The following RDH13 variants were observed in gnomAD, a reference collection of about 807,000 sequenced individuals.
RDH13 encodes the protein retinol dehydrogenase 13, also known as retinol dehydrogenase 13 (all-trans and 9-cis).
A neutral mutation model predicts 28.3 loss-of-function variants in RDH13; 35 were observed. That is an observed-to-expected ratio of 1.24 (90% CI 0.95 to 1.64). The LOEUF (loss-of-function observed/expected upper bound fraction) is 1.64, where lower values mean the gene tolerates loss of function less well. Ranked by LOEUF, RDH13 falls within the 40% of genes most tolerant of loss-of-function variation. RDH13 has a pLI of 0.00. For synonymous variants in RDH13, 229 were observed against 198.5 expected (o/e 1.15, Z -1.29); for missense variants, 514 against 446.3 (o/e 1.15, Z -1.37).
chr19:55,065,855 T>C (rs558938267), upstream of RDH13, among the ~76,000 whole-genome samples: 3 of 152,232 alleles, frequency 2.0e-5, no homozygotes, highest in East Asian at 1.9e-4. Context: ...GTAGCTGGGA[T>C]TACAGGCGCT....
At chr19:55,056,375 T>C (rs577436969) in intron 3 of RDH13, among the ~76,000 whole-genome samples, 1 of 152,218 alleles carries the variant, frequency 6.6e-6, no homozygotes, top group East Asian at 1.9e-4. Context: ...AGGTCCGCGC[T>C]TGAACCCAGG....
At chr19:55,040,098 C>T (rs559399490), downstream of RDH13, among the ~76,000 whole-genome samples, 7 of 152,266 alleles carry the variant, frequency 4.6e-5, no homozygotes, top group South Asian at 1.5e-3. Context: ...CTGGGGGATC[C>T]ATAGTGGTGA....
Position 55,062,969 on chromosome 19 carries a change from T to C in RDH13, c.64A>G (p.Lys22Glu), listed in dbSNP as rs779237775. Residue 22 changes from lysine to glutamate, a missense_variant and splice_region_variant, in exon 1 of 7, where the codon AAG becomes GAG. Physicochemically the swap from Lys to Glu is moderately conservative, Grantham distance 56. Transcript: ENST00000415061. ...CACGCGGGGCTAGAATGTACTCACT[T>C]GAGCAGCACGGCGGCGCCTGCTACC... ...GTVAGAAVLL[K>E]DYVTGGACPS... The C allele has an allele frequency of 2.1e-5, 31 of 1,481,332 alleles. No homozygotes were observed. In the South Asian group the frequency reaches 4.1e-4, roughly 20 times the overall value. The allele number at this position is 1,481,332 out of a possible 1,614,324, so 91.8% of individuals were successfully genotyped here.
rs370029738 is a variant in RDH13, at chr19:55,045,111, T to A, written c.959A>T (p.Glu320Val). The A allele has an allele frequency of 3.7e-6, 6 of 1,612,822 alleles. No homozygotes were observed. The African/African-American group carries it at 6.7e-5, about 18-fold the overall frequency. ...GGGCTGCTCCCTCACAGAGGGAGCC[T>A]CTAAGCCCACCAGGCGGGCACTTTC... ...WAESARLVGL[E>V]APSVREQPLP... is the part of the protein sequence containing the mutation. The change falls in exon 7 of 7, where the codon GAG becomes GTG. Residue 320 changes from glutamate (E) to valine (V), a missense_variant. Transcript: ENST00000415061.
intron 6 of RDH13, 146 bp downstream of exon 6, chr19:55,047,241 A>G: frequency 7.0e-7 from 1 of 1,434,722 alleles, no homozygotes; most frequent in Non-Finnish European, 9.1e-7. Flanking sequence ...GAGGAAAGGG[A>G]CCTGTGCTCT....
At chr19:55,042,874 G>GA (rs1416276030), downstream of RDH13, 2 of 152,306 alleles carry the variant, frequency 1.3e-5, no homozygotes, top group African/African-American at 4.8e-5. Flanking sequence ...ACCAGCCAGC[G>GA]AGAGGGCAAG....
chr19:55,045,424 C>T lies in RDH13; in HGVS notation c.761-115G>A, dbSNP rs1236533294. ...GGAGTCCCACAGAGCCCTCCTCTAG[C>T]CCTTTCCCCTTGGCTGCCTCCATCT... On this transcript the variant is annotated intron_variant, in intron 6 of 6. Transcript: ENST00000415061. 22 of 724,622 alleles carry T rather than the reference C, an allele frequency of 3.0e-5. 1 individual carries two copies. In the South Asian group the frequency reaches 3.7e-4, roughly 12 times the overall value. The allele number at this position is 724,622 out of a possible 1,614,324, so 44.9% of individuals were successfully genotyped here.
rs993619634 is a variant in RDH13, at chr19:55,048,344, T to C, written c.643A>G (p.Ser215Gly). 2 of 1,614,110 alleles carry C rather than the reference T, an allele frequency of 1.2e-6. No individual in the cohort carries two copies. Among genetic ancestry groups the C allele is most frequent in the African/African-American group, 2.7e-5 (2 of 75,030 alleles). The change falls in exon 5 of 7, where the codon AGC (serine) becomes GGC (glycine). Residue 215 changes from serine to glycine, a missense_variant. Physicochemically the swap from Ser to Gly is moderately conservative, Grantham distance 56. Transcript: ENST00000415061. ...LAIVLFTKEL[S>G]RRLQGSGVTV... ...GCCCCCGTACCTTGCAGCCGCCGGC[T>C]CAGCTCCTTGGTGAAGAGGACGATG...
In RDH13 at chr19:55,062,963, C is replaced by T. The variant is rs1177962736; in HGVS notation, c.65+5G>A. 1.4e-6 allele frequency: 2 copies of T among 1,479,212 alleles called. No homozygotes were observed. Among genetic ancestry groups the T allele is most frequent in the African/African-American group, 1.5e-5 (1 of 68,454 alleles). 91.6% of individuals were successfully genotyped at this position (1,479,212 alleles called of 1,614,324 possible). A position where few individuals can be genotyped will look rare whatever the true frequency, so the allele number is the denominator to read the frequency against. On this transcript the variant is annotated splice_donor_5th_base_variant and intron_variant, in intron 1 of 6. Transcript: ENST00000415061. ...ACCGCGCACGCGGGGCTAGAATGTACTCACTTGAGCAGCACGGCGGCGCCT... is the reference window on the plus strand; with the variant it reads ...ACCGCGCACGCGGGGCTAGAATGTATTCACTTGAGCAGCACGGCGGCGCCT...
chr19:55,059,586 TG>T (rs202150997), intron 1 of RDH13, among the ~76,000 whole-genome samples: 17,813 of 79,330 alleles, frequency 0.22, 602 homozygotes, highest in Non-Finnish European at 0.27. Flanking sequence ...GTTTTGGGGG[TG>T]GGGGGGGGCG....
chr19:55,064,892 C>T (rs543751991), upstream of RDH13, among the ~76,000 whole-genome samples: 5 of 145,572 alleles, frequency 3.4e-5, no homozygotes, highest in South Asian at 2.3e-4. Flanking sequence ...GGATTACAGG[C>T]ATGAGCCACC....
At chr19:55,060,823 C>G (rs925005647) in intron 1 of RDH13, among the ~76,000 whole-genome samples, 3 of 152,062 alleles carry the variant, frequency 2.0e-5, no homozygotes, top group Non-Finnish European at 4.4e-5. Context: ...GACTCTGTCT[C>G]AAAAAAATTT....
intron 5 of RDH13, chr19:55,048,109 C>T: frequency 6.6e-7 from 1 of 1,524,528 alleles, no homozygotes; most frequent in Non-Finnish European, 8.8e-7. Flanking sequence ...CTGATCCAGG[C>T]AGACTAGACC....
At chr19:55,051,364 G>C (rs531994444) in intron 3 of RDH13, among the ~76,000 whole-genome samples, 1 of 152,342 alleles carries the variant, frequency 6.6e-6, no homozygotes, top group East Asian at 1.9e-4. Context: ...GGGACAGGGA[G>C]ACTCCACTCA....
intron 2 of RDH13, 82 bp downstream of exon 2, chr19:55,059,075 C>G (rs2075728265): frequency 2.2e-6 from 2 of 924,380 alleles, no homozygotes; most frequent in Non-Finnish European, 3.4e-6. Flanking sequence ...TGGGTTCCTT[C>G]CACCTCCGGA....
intron 3 of RDH13, among the ~76,000 whole-genome samples, chr19:55,056,085 C>T (rs368321288): frequency 2.6e-5 from 4 of 151,632 alleles, no homozygotes; most frequent in Non-Finnish European, 5.9e-5. Context: ...AATCGGGAGA[C>T]GGAGGTTGCA....
upstream of RDH13, among the ~76,000 whole-genome samples, chr19:55,065,221 C>A (rs537164058): frequency 6.6e-6 from 1 of 151,046 alleles, no homozygotes; most frequent in African/African-American, 2.4e-5. Flanking sequence ...CTTATCTCTA[C>A]AAAAAATACA....
In RDH13 at chr19:55,056,745, C is replaced by T. The variant is rs375236640; in HGVS notation, c.248G>A (p.Arg83His). The change falls in exon 3 of 7, where the codon CGC becomes CAC. Residue 83 changes from arginine to histidine, a missense_variant. Physicochemically the swap from Arg to His is conservative, Grantham distance 29. Transcript: ENST00000415061. ...EKCEAAAKDI[R>H]GETLNHHVNA... ...GACATGGTGATTGAGGGTCTCCCCGCGGATGTCCTTTGCTGCCGCCTCACA... is the reference window on the plus strand; with the variant it reads ...GACATGGTGATTGAGGGTCTCCCCGTGGATGTCCTTTGCTGCCGCCTCACA... 47 of 1,613,982 alleles carry T rather than the reference C, an allele frequency of 2.9e-5. No homozygotes were observed. The highest frequency in any genetic ancestry group is 1.7e-4 in the African/African-American group (13 of 74,906).
intron 3 of RDH13, among the ~76,000 whole-genome samples, chr19:55,056,405 C>T (rs1361237928): frequency 6.6e-6 from 1 of 152,094 alleles, no homozygotes; most frequent in Non-Finnish European, 1.5e-5. Flanking sequence ...TTACAGTGAG[C>T]CGAGATCGCG....
Sources: gnomAD v4.1 joint callset for allele counts (sites outside exome capture counted in the v4.1 genomes callset) on GRCh38, gnomAD v4.1.1 for gene constraint, MANE v1.5 for transcripts, NCBI Gene and HGNC (gene_info 2026-07-23, HGNC 2026-07-21) for gene names.